Variants in ZNF280C observed in about 807,000 individuals in gnomAD.
The protein encoded by ZNF280C is suppressor of hairy wing homolog 3.
In ZNF280C, 14 loss-of-function variants were observed where a neutral mutation model predicts 53.6. That is an observed-to-expected ratio of 0.26 (90% CI 0.17 to 0.41). ZNF280C has a LOEUF of 0.41. Ranked by LOEUF, ZNF280C falls within the 10% of genes least tolerant of loss-of-function variation. The pLI is 1.00. For missense variants in ZNF280C, 416 were observed against 547.1 expected, an observed-to-expected ratio of 0.76 and a Z score of 2.39; for synonymous variants, 203 against 181.1, an observed-to-expected ratio of 1.12 and a Z score of -0.97.
chrX:130,256,928 C>T (rs1250405113), intron 2 of ZNF280C, among the ~76,000 whole-genome samples: 2 of 107,250 alleles, frequency 1.9e-5, no homozygotes, highest in South Asian at 8.4e-4. Flanking sequence ...GGGCCAGGCG[C>T]GGTGGCTCAC....
chrX:130,232,990 TAC>T (rs200162826), intron 8 of ZNF280C, among the ~76,000 whole-genome samples: 3 of 110,270 alleles, frequency 2.7e-5, no homozygotes, highest in South Asian at 3.8e-4. Context: ...TATATATATA[TAC>T]ACACACACAC....
intron 2 of ZNF280C, among the ~76,000 whole-genome samples, chrX:130,256,454 C>A (rs2032572279): frequency 9.0e-6 from 1 of 110,531 alleles, no homozygotes; most frequent in Non-Finnish European, 1.9e-5. Context: ...GGTGGTGGTG[C>A]ACGCCTGTAT....
chrX:130,213,127 G>A (rs1415067877), intron 15 of ZNF280C, among the ~76,000 whole-genome samples: 1 of 110,625 alleles, frequency 9.0e-6, no homozygotes, highest in Non-Finnish European at 1.9e-5. Flanking sequence ...GCCGAGGCGG[G>A]CGGATCATGA....
intron 6 of ZNF280C, among the ~76,000 whole-genome samples, chrX:130,237,638 G>A (rs1320506032): frequency 1.8e-5 from 2 of 111,607 alleles, no homozygotes; most frequent in African/African-American, 6.5e-5. Context: ...ATTAATAGGA[G>A]AAGCAGTAGA....
In ZNF280C at chrX:130,243,873, A is replaced by C. The variant is rs1265430293; in HGVS notation, c.179-8T>G. On this transcript the variant is annotated splice_polypyrimidine_tract_variant and splice_region_variant and intron_variant, in intron 3 of 18. Transcript: ENST00000370978. ...GGCCTCTGTTCAAAATATCTATAAA[A>C]TTATATTTATTTTAAAATTTGTTAT... The C allele has an allele frequency of 9.5e-7, 1 of 1,057,555 alleles. No individual in the cohort carries two copies. Among genetic ancestry groups the C allele is most frequent in the Non-Finnish European group, 1.2e-6 (1 of 800,505 alleles). 87.2% of individuals were successfully genotyped at this position (1,057,555 alleles called of 1,213,427 possible). A position where few individuals can be genotyped will look rare whatever the true frequency, so the allele number is the denominator to read the frequency against.
In ZNF280C at chrX:130,226,796, A is replaced by G; in HGVS notation, c.1358T>C (p.Met453Thr). 8.3e-7 allele frequency: 1 copy of G among 1,210,999 alleles called. No homozygotes were observed. ...GTAATGATTCATGTAGGGGGTTGCC[A>G]TTTTACTAACTTTGAGGCAAAATGG... is the stretch of plus-strand genomic sequence containing the variant. ...LCPFCLKVSK[M>T]ATPYMNHYMK... Residue 453 changes from methionine to threonine, a missense_variant, in exon 12 of 19, where the codon ATG (methionine) becomes ACG (threonine). This residue lies in a region of ZNF280C where 72 missense variants were observed against 168.8 expected (regional missense o/e 0.43). Transcript: ENST00000370978.
chrX:130,252,152 C>CA (rs1461725699), intron 2 of ZNF280C, among the ~76,000 whole-genome samples: 11 of 111,683 alleles, frequency 9.8e-5, no homozygotes, highest in Non-Finnish European at 1.3e-4. Context: ...AACCAAAAAT[C>CA]AAAAAACCAA....
intron 2 of ZNF280C, among the ~76,000 whole-genome samples, chrX:130,251,289 A>C: frequency 1.0e-5 from 1 of 96,759 alleles, no homozygotes; most frequent in Non-Finnish European, 2.1e-5. Flanking sequence ...TCTCAAAAAA[A>C]AAAAAAAAAA....
At chrX:130,256,065 G>A (rs929861905) in intron 2 of ZNF280C, among the ~76,000 whole-genome samples, 1 of 111,485 alleles carries the variant, frequency 9.0e-6, no homozygotes, top group Non-Finnish European at 1.9e-5. Flanking sequence ...TCCAGGAGGT[G>A]GGGCTGCAGT....
At position 130,243,876 on chromosome X, in the gene ZNF280C, A is replaced by G; in HGVS notation, c.179-11T>C. ...CTCTGTTCAAAATATCTATAAAATTATATTTATTTTAAAATTTGTTATGTG... is the reference window on the plus strand; with the variant it reads ...CTCTGTTCAAAATATCTATAAAATTGTATTTATTTTAAAATTTGTTATGTG... On this transcript the variant is annotated splice_polypyrimidine_tract_variant and intron_variant, in intron 3 of 18. Coordinates refer to ENST00000370978, the MANE Select transcript of ZNF280C (RefSeq NM_017666.5). The G allele has an allele frequency of 8.5e-6, 9 of 1,062,199 alleles. No individual in the cohort carries two copies. The highest frequency in any genetic ancestry group is 3.4e-5 in the Admixed American group (1 of 29,122). The allele number at this position is 1,062,199 out of a possible 1,213,427, so 87.5% of individuals were successfully genotyped here. A position where few individuals can be genotyped will look rare whatever the true frequency, so the allele number is the denominator to read the frequency against.
intron 13 of ZNF280C, 73 bp downstream of exon 13, chrX:130,220,276 A>G (rs1289540222): frequency 1.5e-5 from 14 of 929,637 alleles, no homozygotes; most frequent in Non-Finnish European, 1.8e-5. Flanking sequence ...CCTTCTATCC[A>G]TAATAAAAAA....
At chrX:130,214,988 C>T (rs1004510477) in intron 15 of ZNF280C, among the ~76,000 whole-genome samples, 1 of 111,851 alleles carries the variant, frequency 8.9e-6, no homozygotes, top group African/African-American at 3.2e-5. Context: ...TTTCATTAGT[C>T]TAATTGTTCT....
At chrX:130,252,229 C>T (rs903911066) in intron 2 of ZNF280C, among the ~76,000 whole-genome samples, 10 of 112,142 alleles carry the variant, frequency 8.9e-5, no homozygotes, top group Non-Finnish European at 1.3e-4. Context: ...ATTGGCAAAC[C>T]GAATACAGCA....
chrX:130,218,836 G>A (rs1381798851), intron 13 of ZNF280C, among the ~76,000 whole-genome samples: 1 of 111,284 alleles, frequency 9.0e-6, no homozygotes, highest in Non-Finnish European at 1.9e-5. Context: ...AAGGCACACC[G>A]AACACTTAAT....
intron 15 of ZNF280C, among the ~76,000 whole-genome samples, chrX:130,210,316 C>T (rs759949140): frequency 2.7e-5 from 3 of 111,869 alleles, no homozygotes; most frequent in Non-Finnish European, 5.6e-5. Flanking sequence ...TGATCAGTAC[C>T]TCACCATTAC....
chrX:130,226,732 GAACA>G, intron 12 of ZNF280C, 23 bp downstream of exon 12: 2 of 1,189,556 alleles, frequency 1.7e-6, no homozygotes, highest in Non-Finnish European at 2.3e-6. Flanking sequence ...AAGACAACAT[GAACA>G]AATAAGAACT....
intron 6 of ZNF280C, among the ~76,000 whole-genome samples, chrX:130,237,663 G>C (rs2032348996): frequency 1.8e-5 from 2 of 111,305 alleles, no homozygotes; most frequent in Admixed American, 1.9e-4. Context: ...ATATATGCCA[G>C]GAAAGTAAGT....
At chrX:130,241,678 C>T in intron 5 of ZNF280C, among the ~76,000 whole-genome samples, 1 of 111,598 alleles carries the variant, frequency 9.0e-6, no homozygotes, top group Non-Finnish European at 1.9e-5. Flanking sequence ...GTGGAAGGAT[C>T]GCTTGAGCCC....
At chrX:130,248,617 G>A (rs758644093) in intron 2 of ZNF280C, among the ~76,000 whole-genome samples, 1 of 111,600 alleles carries the variant, frequency 9.0e-6, no homozygotes, top group South Asian at 3.8e-4. Flanking sequence ...TTGCCCATCT[G>A]ACCTGAGCAC....
Sources: gnomAD v4.1 joint callset for allele counts (sites outside exome capture counted in the v4.1 genomes callset) on GRCh38, gnomAD v4.1.1 for gene constraint, gnomAD v4.1.1 regional missense constraint, MANE v1.5 for transcripts, NCBI Gene and HGNC (gene_info 2026-07-23, HGNC 2026-07-21) for gene names.